The following NFU1 variants were observed in gnomAD, a reference collection of about 807,000 sequenced individuals.
The protein encoded by NFU1 is NFU1 iron-sulfur cluster scaffold.
In NFU1, 30 loss-of-function variants were observed where a neutral mutation model predicts 32.2. The ratio of observed to expected loss-of-function variants is 0.93; its 90% CI spans 0.70 to 1.26. NFU1 has a LOEUF of 1.26. NFU1 is among the 50% of genes most tolerant of loss of function. NFU1 has a pLI of 0.00. For synonymous variants in NFU1, 112 were observed against 104.6 expected (o/e 1.07, Z -0.43); for missense variants, 306 against 306.6 (o/e 1.00, Z 0.02).
At chr2:69,433,064 C>T (rs1335784475) in intron 1 of NFU1, among the ~76,000 whole-genome samples, 5 of 135,654 alleles carry the variant, frequency 3.7e-5, no homozygotes, top group Admixed American at 2.4e-4. Context: ...GCAGAGGAAT[C>T]GCTTGAACCC....
At chr2:69,421,851 C>A (rs564099752) in intron 3 of NFU1, among the ~76,000 whole-genome samples, 8 of 152,074 alleles carry the variant, frequency 5.3e-5, no homozygotes, top group African/African-American at 1.9e-4. Context: ...GATGAGCCAC[C>A]GCACCTGGCC....
intron 7 of NFU1, among the ~76,000 whole-genome samples, chr2:69,396,983 A>G (rs1418853842): frequency 6.6e-6 from 1 of 151,570 alleles, no homozygotes; most frequent in Non-Finnish European, 1.5e-5. Context: ...AAGGCAGGAG[A>G]ATGGCATGAA....
At chr2:69,407,960 C>A (rs1672753939) in intron 5 of NFU1, among the ~76,000 whole-genome samples, 1 of 150,844 alleles carries the variant, frequency 6.6e-6, no homozygotes, top group South Asian at 2.1e-4. Context: ...TGGCAGTGAG[C>A]CGAGATCGCA....
chr2:69,408,781 T>C (rs1382505871), intron 5 of NFU1, among the ~76,000 whole-genome samples: 7 of 138,992 alleles, frequency 5.0e-5, no homozygotes, highest in East Asian at 2.2e-4. Flanking sequence ...CACACACACA[T>C]ACATACATCA....
At chr2:69,406,968 T>C (rs1312390223) in intron 5 of NFU1, among the ~76,000 whole-genome samples, 1 of 152,182 alleles carries the variant, frequency 6.6e-6, no homozygotes, top group East Asian at 1.9e-4. Context: ...TTCTCCCTTT[T>C]GCTTGGCACT....
intron 3 of NFU1, among the ~76,000 whole-genome samples, 166 bp downstream of exon 3, chr2:69,423,416 G>A (rs1282266731): frequency 8.2e-6 from 1 of 122,098 alleles, no homozygotes; most frequent in Non-Finnish European, 1.8e-5. Flanking sequence ...CACTGCAACA[G>A]GCCTTATTTT....
intron 7 of NFU1, among the ~76,000 whole-genome samples, chr2:69,397,492 G>A (rs1300314411): frequency 1.3e-5 from 2 of 152,014 alleles, no homozygotes; most frequent in African/African-American, 4.8e-5. Context: ...TAATCTGAAG[G>A]CCAATTCATC....
intron 1 of NFU1, among the ~76,000 whole-genome samples, chr2:69,435,606 C>T (rs1428483853): frequency 6.6e-6 from 1 of 152,108 alleles, no homozygotes; most frequent in Non-Finnish European, 1.5e-5. Context: ...TTCTTAGATG[C>T]TATTGGAGAG....
chr2:69,408,842 T>C (rs1672788664), intron 5 of NFU1, among the ~76,000 whole-genome samples: 2 of 148,284 alleles, frequency 1.3e-5, no homozygotes, highest in Admixed American at 6.8e-5. Flanking sequence ...GGTGGGATAT[T>C]TGTGTAAACA....
chr2:69,415,689 T>C (rs1673026482), intron 4 of NFU1, among the ~76,000 whole-genome samples: 1 of 152,184 alleles, frequency 6.6e-6, no homozygotes, highest in East Asian at 1.9e-4. Flanking sequence ...ACACAAGATA[T>C]TTAAGGTTGG....
chr2:69,438,904 C>A (rs1354350677), upstream of NFU1, among the ~76,000 whole-genome samples: 1 of 116,196 alleles, frequency 8.6e-6, no homozygotes, highest in Non-Finnish European at 1.7e-5. Context: ...AACCCCCCAC[C>A]CACCCCCCCA....
upstream of NFU1, among the ~76,000 whole-genome samples, chr2:69,438,292 G>T (rs1333338664): frequency 1.3e-5 from 2 of 149,092 alleles, no homozygotes; most frequent in African/African-American, 2.5e-5. Context: ...TATCTCTGTT[G>T]CCCAGGCTGG....
In NFU1 at chr2:69,437,401, C is replaced by G; in HGVS notation, c.22G>C (p.Gly8Arg). 2 of 1,610,622 alleles carry G rather than the reference C, an allele frequency of 1.2e-6. No homozygotes were observed. The highest frequency in any genetic ancestry group is 1.7e-6 in the Non-Finnish European group (2 of 1,179,550). ...GCGGCAACAGCCGCAGCTCCCCAGC[C>G]CCGCCTGGCCGTCGCCGCCATCTTA... is the stretch of plus-strand genomic sequence containing the variant. MAATARR[G>R]WGAAAVAAGL... is the part of the protein sequence containing the mutation. The change falls in exon 1 of 8, where the codon GGC becomes CGC. Residue 8 changes from glycine to arginine, a missense_variant. Physicochemically the swap from Gly to Arg is moderately radical, Grantham distance 125. Transcript: ENST00000410022.
intron 6 of NFU1, among the ~76,000 whole-genome samples, chr2:69,403,170 G>A (rs564195982): frequency 3.3e-5 from 5 of 151,912 alleles, no homozygotes; most frequent in South Asian, 2.1e-4. Context: ...GGCATTAGCC[G>A]CCATGCCTGG....
intron 5 of NFU1, among the ~76,000 whole-genome samples, chr2:69,408,711 C>T (rs933177222): frequency 2.0e-5 from 3 of 147,296 alleles, no homozygotes; most frequent in African/African-American, 7.4e-5. Context: ...CAGTGAAACA[C>T]CGTCTCAAAA....
rs70954344 is a variant in NFU1, at chr2:69,408,734, T to TTATA, written c.485-2656_485-2653dup. 6.9e-3 allele frequency among the ~76,000 whole-genome samples: 944 copies of TTATA among 136,276 alleles called. 5 individuals carry two copies. The highest frequency in any genetic ancestry group is 9.9e-3 in the East Asian group (46 of 4,626). The allele number at this position is 136,276 out of a possible 152,430, so 89.4% of individuals were successfully genotyped here. A position where few individuals can be genotyped will look rare whatever the true frequency, so the allele number is the denominator to read the frequency against. On this transcript the variant is annotated intron_variant, in intron 5 of 7. Transcript: ENST00000410022. ...CACCGTCTCAAAAAAATATAAAATT[T>TTATA]TATATATATATATATATATATATAT...
chr2:69,415,351 A>G, intron 4 of NFU1, 52 bp from the exon 5 acceptor site: 1 of 1,015,794 alleles, frequency 9.8e-7, no homozygotes, highest in South Asian at 1.3e-5. Context: ...GCAAAGACCC[A>G]TACAGAACAC....
At chr2:69,436,679 C>G (rs1244558709) in intron 1 of NFU1, among the ~76,000 whole-genome samples, 1 of 152,210 alleles carries the variant, frequency 6.6e-6, no homozygotes, top group Non-Finnish European at 1.5e-5. Flanking sequence ...AGAGGGCAAA[C>G]TCTCCGTAGG....
chr2:69,433,124 T>C (rs1229324884), intron 1 of NFU1, among the ~76,000 whole-genome samples: 1 of 123,050 alleles, frequency 8.1e-6, no homozygotes, highest in Non-Finnish European at 1.6e-5. Flanking sequence ...CACTCCAGCC[T>C]GGCCCAAAGA....
Sources: allele counts gnomAD v4.1 joint callset (sites outside exome capture counted in the v4.1 genomes callset), GRCh38; gene constraint gnomAD v4.1.1; transcripts MANE v1.5; gene names NCBI Gene and HGNC (gene_info 2026-07-23, HGNC 2026-07-21).